The following TBXAS1 variants were observed in gnomAD, a reference collection of about 807,000 sequenced individuals.
TBXAS1 encodes the protein thromboxane-A synthase.
A neutral mutation model predicts 60.7 loss-of-function variants in TBXAS1; 48 were observed. The observed-to-expected ratio is 0.79, with a 90% CI of 0.63 to 1.01. TBXAS1 has a LOEUF of 1.01. TBXAS1 is among the 50% of genes least tolerant of loss of function. The pLI is 0.00. For missense variants in TBXAS1, 685 were observed against 686.3 expected, an observed-to-expected ratio of 1.00 and a Z score of 0.02; for synonymous variants, 287 against 269.7, an observed-to-expected ratio of 1.06 and a Z score of -0.63.
chr7:139,890,096 T>C (rs533138538), intron 3 of TBXAS1, among the ~76,000 whole-genome samples: 1 of 152,022 alleles, frequency 6.6e-6, no homozygotes. Context: ...TAATAATTGT[T>C]ACATGGGGAA....
At chr7:139,912,051 C>T (rs899719297) in intron 4 of TBXAS1, among the ~76,000 whole-genome samples, 6 of 152,014 alleles carry the variant, frequency 3.9e-5, no homozygotes, top group African/African-American at 9.7e-5. Flanking sequence ...GCCAACTTGG[C>T]GAAACTCTGT....
chr7:139,891,631 C>T (rs1360339026), intron 3 of TBXAS1, among the ~76,000 whole-genome samples: 1 of 152,156 alleles, frequency 6.6e-6, no homozygotes, highest in Non-Finnish European at 1.5e-5. Flanking sequence ...GACCTGCTTT[C>T]CTGGTAGAAT....
intron 1 of TBXAS1, among the ~76,000 whole-genome samples, chr7:139,842,466 C>T (rs1250187722): frequency 2.6e-5 from 4 of 152,168 alleles, no homozygotes; most frequent in African/African-American, 4.8e-5. Context: ...AAGGGAAGTA[C>T]GCGGTCTATG....
intron 10 of TBXAS1, among the ~76,000 whole-genome samples, chr7:140,014,125 A>G (rs1008148762): frequency 6.6e-6 from 1 of 152,196 alleles, no homozygotes; most frequent in African/African-American, 2.4e-5. Flanking sequence ...TTGTCATGAG[A>G]AGACTGGATT....
intron 5 of TBXAS1, among the ~76,000 whole-genome samples, chr7:139,938,618 A>G (rs1808004218): frequency 6.6e-6 from 1 of 152,190 alleles, no homozygotes; most frequent in Non-Finnish European, 1.5e-5. Context: ...CCCCTTTATC[A>G]CATCCAGCCA....
chr7:140,001,078 C>A (rs1448169172), intron 9 of TBXAS1, among the ~76,000 whole-genome samples: 6 of 152,212 alleles, frequency 3.9e-5, no homozygotes, highest in African/African-American at 1.2e-4. Flanking sequence ...CTTTGCCTCC[C>A]TTGTGGGACC....
chr7:139,940,791 A>G (rs1257275536), intron 5 of TBXAS1, among the ~76,000 whole-genome samples: 1 of 152,228 alleles, frequency 6.6e-6, no homozygotes, highest in East Asian at 1.9e-4. Context: ...CACTAGGTAC[A>G]TAATAGACAT....
At chr7:139,846,880 G>A (rs1467292686) in intron 1 of TBXAS1, among the ~76,000 whole-genome samples, 2 of 151,988 alleles carry the variant, frequency 1.3e-5, no homozygotes, top group East Asian at 3.9e-4. Context: ...GTTTAGAAAT[G>A]ATGGGGTGGG....
chr7:139,868,021 G>A (rs1339927598), intron 1 of TBXAS1, among the ~76,000 whole-genome samples: 7 of 152,164 alleles, frequency 4.6e-5, no homozygotes, highest in Non-Finnish European at 8.8e-5. Context: ...TAATGACCTC[G>A]TTGGTTGTGA....
upstream of TBXAS1, among the ~76,000 whole-genome samples, chr7:139,827,966 G>T (rs1252901217): frequency 6.6e-6 from 1 of 152,174 alleles, no homozygotes; most frequent in African/African-American, 2.4e-5. Flanking sequence ...CTGAGGCAAA[G>T]ATCTTTTTAC....
chr7:139,875,656 GTTTCTATTATGTACGATAT>G lies in TBXAS1; in HGVS notation c.236+42_236+60del. ...TGTGTGGGTAAGAAGGAAACTCAACGTTTCTATTATGTACGATATTTTCTATTATGTACGATATTTTGAT... is the reference window on the plus strand; with the variant it reads ...TGTGTGGGTAAGAAGGAAACTCAACGTTTCTATTATGTACGATATTTTGAT... On this transcript the variant is annotated intron_variant, in intron 3 of 12. Transcript: ENST00000448866. The G allele has an allele frequency of 6.2e-6, 10 of 1,613,124 alleles. No individual in the cohort carries two copies. The highest frequency in any genetic ancestry group is 1.7e-4 in the Middle Eastern group (1 of 6,060).
At chr7:139,910,078 T>C (rs1177313252) in intron 3 of TBXAS1, among the ~76,000 whole-genome samples, 1 of 152,170 alleles carries the variant, frequency 6.6e-6, no homozygotes, top group Non-Finnish European at 1.5e-5. Flanking sequence ...TTCAGTCTCT[T>C]TTCTCCAAGC....
chr7:139,829,606 A>G, intron 1 of TBXAS1, 127 bp downstream of exon 1: 1 of 846,180 alleles, frequency 1.2e-6, no homozygotes, highest in Non-Finnish European at 1.9e-6. Flanking sequence ...AGTGAGTATT[A>G]ACACAGCTTC....
At chr7:139,790,191 T>A (rs945504527) in intron 4 of TBXAS1, among the ~76,000 whole-genome samples, 1 of 152,250 alleles carries the variant, frequency 6.6e-6, no homozygotes, top group Non-Finnish European at 1.5e-5. Context: ...CAGCACAATC[T>A]GAGGCTTACT....
At chr7:139,988,899 C>T (rs563323824) in intron 9 of TBXAS1, among the ~76,000 whole-genome samples, 5 of 152,248 alleles carry the variant, frequency 3.3e-5, no homozygotes, top group East Asian at 1.9e-4. Context: ...GGGTGCTGTG[C>T]GATGGGCCAT....
intron 9 of TBXAS1, among the ~76,000 whole-genome samples, chr7:139,988,162 A>G (rs533513525): frequency 1.6e-4 from 24 of 152,370 alleles, no homozygotes; most frequent in Non-Finnish European, 7.3e-5. Flanking sequence ...CTTGCTTACT[A>G]CATTTGAATT....
At chr7:139,868,509 G>A (rs191261097) in intron 1 of TBXAS1, among the ~76,000 whole-genome samples, 8 of 144,310 alleles carry the variant, frequency 5.5e-5, no homozygotes, top group African/African-American at 1.7e-4. Context: ...TTTGAGACGG[G>A]GTTTTGCTCT....
Position 139,936,223 on chromosome 7 carries a change from C to CAGCG in TBXAS1, c.367_370dup (p.Val124GlufsTer7), listed in dbSNP as rs1273483296. 2 of 1,614,100 alleles carry CAGCG rather than the reference C, an allele frequency of 1.2e-6. No homozygotes were observed. Among genetic ancestry groups the CAGCG allele is most frequent in the African/African-American group, 2.7e-5 (2 of 74,922 alleles). ...GTTTGGAGTTCAAGTCGGTAGCCGA[C>CAGCG]AGCGTTCTGTTTTTACGTGACAAAA... On this transcript the variant is annotated frameshift_variant, in exon 5 of 13. Coordinates refer to ENST00000448866, the MANE Select transcript of TBXAS1 (RefSeq NM_001061.7). LOFTEE classifies it high-confidence loss of function.
At chr7:139,830,848 G>C (rs1350134852) in intron 1 of TBXAS1, among the ~76,000 whole-genome samples, 1 of 151,916 alleles carries the variant, frequency 6.6e-6, no homozygotes, top group Admixed American at 6.6e-5. Flanking sequence ...CAATAGCTAT[G>C]CTCTGACTGT....
Sources: gnomAD v4.1 joint callset for allele counts (sites outside exome capture counted in the v4.1 genomes callset) on GRCh38, gnomAD v4.1.1 for gene constraint, MANE v1.5 for transcripts, NCBI Gene and HGNC (gene_info 2026-07-23, HGNC 2026-07-21) for gene names.